The following RAB3GAP1 variants were observed in gnomAD, a reference collection of about 807,000 sequenced individuals.
RAB3GAP1 encodes the protein RAB3 GTPase activating protein catalytic subunit 1.
RAB3GAP1 carries 86 observed loss-of-function variants against 130.7 expected under a neutral mutation model. That is an observed-to-expected ratio of 0.66 (90% confidence interval 0.55 to 0.79). RAB3GAP1 has a LOEUF of 0.79. Among genes scored for constraint, RAB3GAP1 ranks in the 30% least tolerant of loss-of-function variants. RAB3GAP1 has a pLI of 0.00. For missense variants in RAB3GAP1, 1,029 were observed against 1,169.4 expected (o/e 0.88, Z 1.75); for synonymous variants, 367 against 401.7 (o/e 0.91, Z 1.03).
intron 17 of RAB3GAP1, among the ~76,000 whole-genome samples, chr2:135,143,736 T>C (rs1190313137): frequency 6.6e-6 from 1 of 152,066 alleles, no homozygotes; most frequent in African/African-American, 2.4e-5. Context: ...TTTTTGTATT[T>C]TTAGTAGAGA....
At chr2:135,056,085 C>T (rs770041790) in intron 2 of RAB3GAP1, among the ~76,000 whole-genome samples, 97 of 152,286 alleles carry the variant, frequency 6.4e-4, no homozygotes, top group Non-Finnish European at 5.0e-4. Context: ...ATCCGCCCGC[C>T]TCGGCCTCCC....
intron 17 of RAB3GAP1, among the ~76,000 whole-genome samples, chr2:135,146,507 T>C (rs1573596303): frequency 6.6e-6 from 1 of 152,088 alleles, no homozygotes; most frequent in Non-Finnish European, 1.5e-5. Flanking sequence ...CCACCGCCCC[T>C]GACTCCAAAT....
At chr2:135,055,316 C>A (rs1688978519) in intron 2 of RAB3GAP1, among the ~76,000 whole-genome samples, 1 of 152,166 alleles carries the variant, frequency 6.6e-6, no homozygotes, top group Non-Finnish European at 1.5e-5. Context: ...AATCTCAATA[C>A]TTGTAGGATA....
chr2:135,118,123 G>T (rs958160222), intron 7 of RAB3GAP1, among the ~76,000 whole-genome samples: 5 of 152,090 alleles, frequency 3.3e-5, no homozygotes, highest in African/African-American at 1.2e-4. Context: ...AAGATAACAG[G>T]CATGAGCCAC....
chr2:135,103,504 G>T (rs955463706), intron 5 of RAB3GAP1, among the ~76,000 whole-genome samples: 3 of 152,166 alleles, frequency 2.0e-5, no homozygotes, highest in African/African-American at 7.2e-5. Flanking sequence ...GCAGTGTGAA[G>T]TGGTTAGTGA....
intron 7 of RAB3GAP1, among the ~76,000 whole-genome samples, chr2:135,117,705 GCTTCTGCTTCTTCTTCTGCTTCTTCTT>G (rs1691057893): frequency 1.0e-4 from 2 of 19,216 alleles, no homozygotes; most frequent in Admixed American, 5.0e-4. Flanking sequence ...TGCTTCTTCT[GCTTCTGCTTCTTCTTCTGCTTCTTCTT>G]CTTCTGCTTC....
In RAB3GAP1 at chr2:135,162,601, A is replaced by G. The variant is rs529243486; in HGVS notation, c.2336A>G (p.His779Arg). 35 of 1,614,112 alleles carry G rather than the reference A, an allele frequency of 2.2e-5. No individual in the cohort carries two copies. In the African/African-American group the frequency reaches 4.3e-4, roughly 20 times the overall value. The change falls in exon 20 of 24, where the codon CAC becomes CGC. Residue 779 changes from histidine to arginine, a missense_variant. By Grantham distance (29) the His-to-Arg change is conservative. Coordinates refer to ENST00000264158, the MANE Select transcript of RAB3GAP1 (RefSeq NM_012233.3). ...CAGAAACCTGCAGACCTTGCTCGGCACCTGTTACCTTGTGTGATTCATGCA... is the reference window on the plus strand; with the variant it reads ...CAGAAACCTGCAGACCTTGCTCGGCGCCTGTTACCTTGTGTGATTCATGCA... ...AIQKPADLARHLLPCVIHAAV... is the reference protein window; with the variant it reads ...AIQKPADLARRLLPCVIHAAV...
intron 23 of RAB3GAP1, 34 bp from the exon 24 acceptor site, chr2:135,168,511 C>G: frequency 6.4e-7 from 1 of 1,559,726 alleles, no homozygotes; most frequent in Non-Finnish European, 8.8e-7. Context: ...AGCATTTGAC[C>G]TGCTTTTGAC....
At chr2:135,074,157 G>T (rs1265170524) in intron 3 of RAB3GAP1, among the ~76,000 whole-genome samples, 1 of 152,204 alleles carries the variant, frequency 6.6e-6, no homozygotes, top group African/African-American at 2.4e-5. Context: ...TGCTGTTTGG[G>T]ATTACCTGGT....
intron 7 of RAB3GAP1, among the ~76,000 whole-genome samples, chr2:135,115,664 C>CT (rs1486156835): frequency 6.6e-6 from 1 of 152,184 alleles, no homozygotes; most frequent in Non-Finnish European, 1.5e-5. Flanking sequence ...TCCTTGTCCT[C>CT]TATTGGTAAT....
intron 3 of RAB3GAP1, among the ~76,000 whole-genome samples, chr2:135,066,428 T>TC (rs1470490385): frequency 3.3e-5 from 5 of 152,244 alleles, no homozygotes; most frequent in Non-Finnish European, 5.9e-5. Flanking sequence ...TAAACAGACT[T>TC]CAACAGTTAG....
At position 135,169,904 on chromosome 2, in the gene RAB3GAP1, T is replaced by C. The variant is rs1184565180; in HGVS notation, c.*1123T>C. 2.7e-6 allele frequency: 1 copy of C among 369,320 alleles called. No individual in the cohort carries two copies. Among genetic ancestry groups the C allele is most frequent in the East Asian group, 7.6e-5 (1 of 13,232 alleles). The allele number at this position is 369,320 out of a possible 1,614,324, so 22.9% of individuals were successfully genotyped here. A position where few individuals can be genotyped will look rare whatever the true frequency, so the allele number is the denominator to read the frequency against. On this transcript the variant is annotated 3_prime_UTR_variant, in exon 24 of 24. Coordinates refer to ENST00000264158, the MANE Select transcript of RAB3GAP1 (RefSeq NM_012233.3). Reference sequence around the variant, plus strand: ...CTTAAATCCAAAGTAAAAATGGTTATACTGAAGCATAAACCTTGCCTGTGT... The same window carrying C: ...CTTAAATCCAAAGTAAAAATGGTTACACTGAAGCATAAACCTTGCCTGTGT...
intron 4 of RAB3GAP1, among the ~76,000 whole-genome samples, chr2:135,092,394 A>T (rs1463646010): frequency 6.6e-6 from 1 of 152,210 alleles, no homozygotes; most frequent in African/African-American, 2.4e-5. Context: ...CTCTGAGATA[A>T]ATAGATAAAG....
chr2:135,114,629 T>A (rs1690912695), intron 6 of RAB3GAP1, among the ~76,000 whole-genome samples: 1 of 152,244 alleles, frequency 6.6e-6, no homozygotes, highest in Non-Finnish European at 1.5e-5. Context: ...ATACATAACC[T>A]TCTTTTATGT....
chr2:135,085,918 T>G (rs1689961093), intron 3 of RAB3GAP1, among the ~76,000 whole-genome samples: 1 of 152,226 alleles, frequency 6.6e-6, no homozygotes, highest in African/African-American at 2.4e-5. Flanking sequence ...GAAAGATTGC[T>G]TGTTTCTCAA....
downstream of RAB3GAP1, among the ~76,000 whole-genome samples, chr2:135,171,126 T>C (rs1252055827): frequency 1.3e-5 from 2 of 151,674 alleles, no homozygotes; most frequent in African/African-American, 4.8e-5. Context: ...ATGGGCAAAA[T>C]CCCAGAAATA....
At chr2:135,083,375 G>A (rs192278601) in intron 3 of RAB3GAP1, among the ~76,000 whole-genome samples, 5 of 152,136 alleles carry the variant, frequency 3.3e-5, no homozygotes, top group African/African-American at 1.2e-4. Flanking sequence ...AACCTTTTGA[G>A]GACCTATCAG....
intron 7 of RAB3GAP1, among the ~76,000 whole-genome samples, chr2:135,118,381 T>G (rs938044548): frequency 2.6e-5 from 4 of 152,342 alleles, no homozygotes; most frequent in African/African-American, 9.6e-5. Context: ...AGAATTGAAC[T>G]TAAGAGCTGG....
At chr2:135,094,545 C>A (rs1387842361) in intron 5 of RAB3GAP1, among the ~76,000 whole-genome samples, 1 of 152,166 alleles carries the variant, frequency 6.6e-6, no homozygotes, top group African/African-American at 2.4e-5. Flanking sequence ...CCCTGCTCCC[C>A]ATTACCCTTC....
Sources: allele counts gnomAD v4.1 joint callset (sites outside exome capture counted in the v4.1 genomes callset), GRCh38; gene constraint gnomAD v4.1.1; transcripts MANE v1.5; gene names NCBI Gene and HGNC (gene_info 2026-07-23, HGNC 2026-07-21).